The following SRGAP3 variants were observed in gnomAD, a reference collection of about 807,000 sequenced individuals.
SRGAP3 encodes the protein SLIT-ROBO Rho GTPase-activating protein 3.
SRGAP3 carries 39 observed loss-of-function variants against 121.1 expected under a neutral mutation model. The ratio of observed to expected loss-of-function variants is 0.32; its 90% confidence interval spans 0.25 to 0.42. SRGAP3 has a LOEUF of 0.42. SRGAP3 is among the 10% of genes least tolerant of loss of function. SRGAP3 has a pLI of 1.00. For missense variants in SRGAP3, 1,213 were observed against 1,470.6 expected, an observed-to-expected ratio of 0.82 and a Z score of 2.86; for synonymous variants, 601 against 570.0, an observed-to-expected ratio of 1.05 and a Z score of -0.77.
intron 3 of SRGAP3, among the ~76,000 whole-genome samples, chr3:9,086,709 T>A (rs1009407263): frequency 2.7e-5 from 2 of 74,796 alleles, no homozygotes; most frequent in Non-Finnish European, 6.3e-5. Context: ...TACACACACA[T>A]CTACACATAT....
chr3:8,993,199 A>C, intron 19 of SRGAP3, 144 bp from the exon 20 acceptor site: 2 of 1,325,748 alleles, frequency 1.5e-6, no homozygotes, highest in Non-Finnish European at 1.0e-6. Flanking sequence ...GCCACTGCCC[A>C]CTGGGTGCCT....
chr3:9,344,970 G>C (rs368272131), intron 1 of SRGAP3, among the ~76,000 whole-genome samples: 1 of 152,130 alleles, frequency 6.6e-6, no homozygotes, highest in Non-Finnish European at 1.5e-5. Context: ...CTGGGAGACA[G>C]AGGTTGCAGT....
Position 9,248,935 on chromosome 3 carries a change from T to G in SRGAP3, c.17A>C (p.Lys6Thr), listed in dbSNP as rs771069121. The G allele has an allele frequency of 6.2e-7, 1 of 1,614,216 alleles. No homozygotes were observed. The highest frequency in any genetic ancestry group is 8.5e-7 in the Non-Finnish European group (1 of 1,180,034). ...AATGATCTCTTTGTCTTTCTTGAACTTAGTTTGAGATGACATCTTCTGACG... is the reference window on the plus strand; with the variant it reads ...AATGATCTCTTTGTCTTTCTTGAACGTAGTTTGAGATGACATCTTCTGACG... MSSQTKFKKDKEIIAE... is the reference protein window; with the variant it reads MSSQTTFKKDKEIIAE... Residue 6 changes from lysine to threonine, a missense_variant, in exon 1 of 22, where the codon AAG becomes ACG. This residue lies in a region of SRGAP3 where 793 missense variants were observed against 1,032.9 expected (regional missense o/e 0.77). Transcript: ENST00000383836.
At chr3:9,192,472 C>T (rs1222421623) in intron 1 of SRGAP3, 2 of 152,120 alleles carry the variant, frequency 1.3e-5, no homozygotes, top group Non-Finnish European at 2.9e-5. Context: ...TAACAAAAAC[C>T]CTGGACACCA....
intron 1 of SRGAP3, among the ~76,000 whole-genome samples, chr3:9,350,704 T>C (rs568676585): frequency 1.1e-3 from 162 of 152,204 alleles, no homozygotes; most frequent in Middle Eastern, 3.2e-3. Context: ...ACATCTGTAA[T>C]AAGCAGTGTT....
At chr3:9,251,290 A>T (rs1273743491), upstream of SRGAP3, among the ~76,000 whole-genome samples, 1 of 152,126 alleles carries the variant, frequency 6.6e-6, no homozygotes, top group Non-Finnish European at 1.5e-5. Context: ...ACCCGGAGGC[A>T]GGAGGTCACC....
intron 1 of SRGAP3, among the ~76,000 whole-genome samples, chr3:9,151,292 A>T (rs1179024953): frequency 1.3e-5 from 2 of 152,136 alleles, no homozygotes; most frequent in Non-Finnish European, 2.9e-5. Flanking sequence ...AAGGGCACGG[A>T]GGTGGGGAGC....
intron 6 of SRGAP3, 172 bp downstream of exon 6, chr3:9,060,059 A>G (rs1946063099): frequency 1.9e-6 from 2 of 1,042,944 alleles, no homozygotes; most frequent in Non-Finnish European, 1.4e-6. Context: ...ACGAGGTAAC[A>G]TTCATTTTCC....
chr3:9,348,717 G>A (rs1271330178), intron 1 of SRGAP3: 5 of 1,237,268 alleles, frequency 4.0e-6, no homozygotes, highest in South Asian at 3.6e-5. Context: ...CAGCACTCTG[G>A]GGGTCTGATC....
At chr3:8,990,943 G>A (rs1942020794) in intron 20 of SRGAP3, 104 bp from the exon 21 acceptor site, 13 of 1,048,230 alleles carry the variant, frequency 1.2e-5, no homozygotes, top group Admixed American at 2.9e-5. Context: ...GCTAGTCTAA[G>A]GAGCGGGTAC....
chr3:9,029,871 G>C (rs567103884), intron 12 of SRGAP3, among the ~76,000 whole-genome samples: 1 of 152,286 alleles, frequency 6.6e-6, no homozygotes, highest in South Asian at 2.1e-4. Flanking sequence ...GCCAAGTGCA[G>C]TGGCGCATGC....
chr3:9,261,287 C>T (rs964916526), intron 3 of SRGAP3, among the ~76,000 whole-genome samples: 6 of 152,102 alleles, frequency 3.9e-5, no homozygotes, highest in Middle Eastern at 3.2e-3. Flanking sequence ...CAGAATGCCT[C>T]TTCTCCTCCA....
At chr3:9,072,701 C>T (rs147652288) in intron 4 of SRGAP3, among the ~76,000 whole-genome samples, 2 of 152,356 alleles carry the variant, frequency 1.3e-5, no homozygotes, top group African/African-American at 2.4e-5. Flanking sequence ...CGGGGGAAAC[C>T]GAGTGTCAGA....
rs1944847537 is a variant in SRGAP3 at position 9,038,071 on chromosome 3, G to A, written c.1428C>T (p.Gly476=). ...TLGEGERAEC[G]TTRPPCLPPK... is the part of the protein sequence containing the mutation. ...AACTCTCCCACTCTCACCTGGTGGT[G>A]CCGCATTCTGCTCTTTCCCCTGCAA... The change falls in exon 11 of 22, where the codon GGC becomes GGT. Residue 476 remains glycine (G), a synonymous_variant. Coordinates refer to ENST00000383836, the MANE Select transcript of SRGAP3 (RefSeq NM_014850.4). 1.2e-6 allele frequency: 2 copies of A among 1,614,046 alleles called. No individual in the cohort carries two copies. The highest frequency in any genetic ancestry group is 2.2e-5 in the South Asian group (2 of 91,076).
chr3:9,023,895 G>T (rs1944051719), intron 14 of SRGAP3, among the ~76,000 whole-genome samples: 1 of 152,164 alleles, frequency 6.6e-6, no homozygotes, highest in Non-Finnish European at 1.5e-5. Context: ...TCTACAGATG[G>T]TTCCAAGCCA....
chr3:9,011,930 A>G (rs1943399727), intron 17 of SRGAP3, among the ~76,000 whole-genome samples: 2 of 152,244 alleles, frequency 1.3e-5, no homozygotes, highest in African/African-American at 4.8e-5. Context: ...GTACACGAAG[A>G]TCTGTGGGTC....
chr3:9,053,186 C>T lies in SRGAP3; in HGVS notation c.1164G>A (p.Gln388=), dbSNP rs185541928. The T allele has an allele frequency of 6.3e-5, 101 of 1,614,148 alleles. No individual in the cohort carries two copies. The Middle Eastern group carries it at 6.6e-4, about 11-fold the overall frequency. ...CAAAGTCCTCCACAGTCAGCATGTC[C>T]TGTAATGTCTGCATGGTGGCATCCA... The part of the protein sequence containing the change: ...KTLDATMQTL[Q]DMLTVEDFDV... The change falls in exon 9 of 22, where the codon CAG becomes CAA. Residue 388 remains glutamine, a synonymous_variant. Transcript: ENST00000383836.
intron 3 of SRGAP3, among the ~76,000 whole-genome samples, chr3:9,302,125 GGTAA>G (rs1427280486): frequency 1.3e-5 from 2 of 152,162 alleles, no homozygotes; most frequent in African/African-American, 2.4e-5. Context: ...GACCCAATGA[GGTAA>G]GTATTACTAT....
chr3:9,310,987 T>C lies in SRGAP3; in HGVS notation n.442+15023A>G, dbSNP rs146999784. The stretch of plus-strand genomic sequence containing the variant: ...GAGTTTAAGACCAACCTGGCCAACA[T>C]AGTGAAACCCCATCTCTACTAAAAA... On this transcript the variant is annotated intron_variant and non_coding_transcript_variant, in intron 3 of 3. Coordinates refer to the SRGAP3 transcript ENST00000490889. Among the ~76,000 whole-genome samples the C allele has an allele frequency of 6.2e-3, 939 of 152,028 alleles. 11 individuals are homozygous for C. The highest frequency in any genetic ancestry group is 0.022 in the African/African-American group (897 of 41,436).
Sources: gnomAD v4.1 joint callset for allele counts (sites outside exome capture counted in the v4.1 genomes callset) on GRCh38, gnomAD v4.1.1 for gene constraint, gnomAD v4.1.1 regional missense constraint, MANE v1.5 for transcripts, NCBI Gene and HGNC (gene_info 2026-07-23, HGNC 2026-07-21) for gene names.